The following SYNE1 variants were observed in gnomAD, a reference collection of about 807,000 sequenced individuals.
SYNE1 encodes the protein nesprin-1.
Under a neutral mutation model 1,111.0 loss-of-function variants are expected in SYNE1, and 616 were observed. The ratio of observed to expected loss-of-function variants is 0.55; its 90% CI spans 0.52 to 0.59. The LOEUF (loss-of-function observed/expected upper bound fraction) is 0.59. Ranked by LOEUF, SYNE1 falls within the 20% of genes least tolerant of loss-of-function variation. The probability of loss-of-function intolerance (pLI) is 0.00; values close to 1 mark genes in which losing one functional copy is unlikely to be tolerated. For synonymous variants in SYNE1, 3,855 were observed against 3,825.8 expected, an observed-to-expected ratio of 1.01 and a Z score of -0.28; for missense variants, 10,006 against 10,417.0, an observed-to-expected ratio of 0.96 and a Z score of 1.72.
intron 3 of SYNE1, among the ~76,000 whole-genome samples, chr6:152,578,650 C>T (rs1410136832): frequency 1.3e-5 from 2 of 152,010 alleles, no homozygotes; most frequent in Non-Finnish European, 2.9e-5. Context: ...TCTTTAATTC[C>T]AGTATCTAAC....
intron 143 of SYNE1, among the ~76,000 whole-genome samples, chr6:152,132,675 G>A (rs563732226): frequency 6.6e-6 from 1 of 152,142 alleles, no homozygotes; most frequent in Non-Finnish European, 1.5e-5. Flanking sequence ...GCTATTCAGA[G>A]TAGATTGTTC....
chr6:152,344,125 G>A lies in SYNE1; in HGVS notation c.12181C>T (p.Pro4061Ser), dbSNP rs780777858. Reference protein sequence around the residue: ...WLSAVQPDLEPSPQPPLSRAE... With the variant: ...WLSAVQPDLESSPQPPLSRAE... The stretch of plus-strand genomic sequence containing the variant: ...CTACTAAGAGGTGGTTGAGGACTTG[G>A]CTCTAAATCCGGCTGGACTGCAGAA... The change falls in exon 74 of 146, where the codon CCA becomes TCA. Residue 4061 changes from proline (P) to serine (S), a missense_variant. By Grantham distance (74) the Pro-to-Ser change is moderately conservative. This residue lies in a region of SYNE1 where 4,955 missense variants were observed against 5,017.2 expected (regional missense o/e 0.99). Transcript: ENST00000367255. 5.0e-6 allele frequency: 8 copies of A among 1,614,202 alleles called. No homozygotes were observed. The South Asian group carries it at 8.8e-5, about 18-fold the overall frequency.
intron 39 of SYNE1, among the ~76,000 whole-genome samples, chr6:152,420,962 A>G (rs1181861721): frequency 1.3e-5 from 2 of 152,220 alleles, no homozygotes; most frequent in Non-Finnish European, 2.9e-5. Context: ...AGTTATTTGT[A>G]TAAGTTCAAT....
chr6:152,390,622 T>A (rs1489898923), intron 52 of SYNE1, among the ~76,000 whole-genome samples, 170 bp from the exon 53 acceptor site: 1 of 152,208 alleles, frequency 6.6e-6, no homozygotes, highest in Non-Finnish European at 1.5e-5. Context: ...AAATTAGGTA[T>A]CTGGGAGTCT....
intron 5 of SYNE1, among the ~76,000 whole-genome samples, chr6:152,523,621 G>A (rs1433252441): frequency 6.6e-6 from 1 of 152,022 alleles, no homozygotes; most frequent in Non-Finnish European, 1.5e-5. Context: ...GAATTGCATT[G>A]AATCTATAGA....
At position 152,330,849 on chromosome 6, in the gene SYNE1, A is replaced by G; in HGVS notation, c.13836T>C (p.Ser4612=). ...TAAGTAGAAGATTTTCATATTCTGGAGATTGTTCAAGAATGTTTTGGTATT... is the reference window on the plus strand; with the variant it reads ...TAAGTAGAAGATTTTCATATTCTGGGGATTGTTCAAGAATGTTTTGGTATT... The part of the protein sequence containing the change: ...LAKYQNILEQ[S]PEYENLLLTL... The change falls in exon 78 of 146, where the codon TCT becomes TCC. Residue 4612 remains serine, a synonymous_variant. Transcript: ENST00000367255. The G allele has an allele frequency of 6.2e-7, 1 of 1,614,106 alleles. No individual in the cohort carries two copies. The highest frequency in any genetic ancestry group is 2.2e-5 in the East Asian group (1 of 44,884).
intron 3 of SYNE1, among the ~76,000 whole-genome samples, chr6:152,621,552 C>G (rs2099675396): frequency 6.6e-6 from 1 of 150,526 alleles, no homozygotes; most frequent in South Asian, 2.1e-4. Flanking sequence ...CATTTGACTG[C>G]TTGCCATAAT....
rs2095193468 is a variant in SYNE1 at position 152,301,946 on chromosome 6, C to G, written c.17464G>C (p.Glu5822Gln). Residue 5822 changes from glutamate (E) to glutamine (Q), a missense_variant, in exon 92 of 146, where the codon GAG becomes CAG. Transcript: ENST00000367255. ...ATMLLTVTEV[E>Q]GLAEGTEDLD... is the part of the protein sequence containing the mutation. ...TCCTCTGTCCCTTCCGCCAGCCCCT[C>G]GACCTCGGTCACCGTCAGCAGCATG... 6.2e-6 allele frequency: 10 copies of G among 1,614,110 alleles called. No homozygotes were observed. Among genetic ancestry groups the G allele is most frequent in the Non-Finnish European group, 7.6e-6 (9 of 1,180,054 alleles).
intron 66 of SYNE1, among the ~76,000 whole-genome samples, chr6:152,356,987 G>C (rs1436140265): frequency 1.3e-5 from 2 of 152,054 alleles, no homozygotes; most frequent in Non-Finnish European, 2.9e-5. Context: ...ACTAAGAAGG[G>C]TTATGTAAAG....
Position 152,278,283 on chromosome 6 carries a change from G to A in SYNE1, c.18382-3C>T. Reference sequence around the variant, plus strand: ...TGCTCTATTTCCACCAGCATATTCTGCAGCAACAGAAATAAGAATGAAACT... The same window carrying A: ...TGCTCTATTTCCACCAGCATATTCTACAGCAACAGAAATAAGAATGAAACT... On this transcript the variant is annotated splice_polypyrimidine_tract_variant and splice_region_variant and intron_variant, in intron 97 of 145. Transcript: ENST00000367255. The A allele has an allele frequency of 6.2e-7, 1 of 1,613,908 alleles. No individual in the cohort carries two copies. The highest frequency in any genetic ancestry group is 1.1e-5 in the South Asian group (1 of 91,080).
chr6:152,312,296 A>G (rs1305344826), intron 87 of SYNE1, among the ~76,000 whole-genome samples: 2 of 146,628 alleles, frequency 1.4e-5, no homozygotes, highest in Non-Finnish European at 3.0e-5. Context: ...TGCAACCTGC[A>G]TCTCCTGGGT....
chr6:152,251,432 T>C (rs972783388), intron 104 of SYNE1, among the ~76,000 whole-genome samples: 3 of 152,136 alleles, frequency 2.0e-5, no homozygotes, highest in African/African-American at 4.8e-5. Context: ...TAAGAGGTGC[T>C]AGTAATCACA....
chr6:152,365,160 T>C (rs2097047237), intron 62 of SYNE1, 141 bp from the exon 63 acceptor site: 4 of 1,043,722 alleles, frequency 3.8e-6, no homozygotes, highest in Non-Finnish European at 5.6e-6. Context: ...AGACAGAGGG[T>C]GGGGAAGTGG....
chr6:152,246,736 T>C (rs2087284615), intron 105 of SYNE1, among the ~76,000 whole-genome samples: 1 of 152,066 alleles, frequency 6.6e-6, no homozygotes, highest in African/African-American at 2.4e-5. Flanking sequence ...GCCCAGTGGA[T>C]AAAAATAGAT....
rs747947368 is a variant in SYNE1, at chr6:152,277,264, CTTTTTTTTTTTTTTTT to C, written c.18573+809_18573+824del. On this transcript the variant is annotated intron_variant, in intron 98 of 145. Transcript: ENST00000367255. Reference sequence around the variant, plus strand: ...TGCAATCACACTCCTTTTTCTTTTTCTTTTTTTTTTTTTTTTTTTTTTTTTTGTTATGAGACAGAGT... The same window carrying C: ...TGCAATCACACTCCTTTTTCTTTTTCTTTTTTTTTTGTTATGAGACAGAGT... Among the ~76,000 whole-genome samples, 352 of 82,136 alleles carry C rather than the reference CTTTTTTTTTTTTTTTT, an allele frequency of 4.3e-3. 3 individuals carry two copies. The highest frequency in any genetic ancestry group is 0.015 in the African/African-American group (317 of 20,604). The allele number at this position is 82,136 out of a possible 152,430, so 53.9% of individuals were successfully genotyped here. A position where few individuals can be genotyped will look rare whatever the true frequency, so the allele number is the denominator to read the frequency against.
intron 129 of SYNE1, among the ~76,000 whole-genome samples, chr6:152,179,068 C>A (rs1311246156): frequency 2.0e-5 from 3 of 151,998 alleles, no homozygotes; most frequent in African/African-American, 4.8e-5. Flanking sequence ...CATGTGCCAC[C>A]ATGCCTGGCT....
intron 128 of SYNE1, among the ~76,000 whole-genome samples, chr6:152,182,136 T>TTA (rs951172103): frequency 1.3e-5 from 2 of 152,198 alleles, no homozygotes; most frequent in Non-Finnish European, 2.9e-5. Context: ...TTCTTATACA[T>TTA]TATATATATA....
At chr6:152,311,775 A>ATTTTTTT in intron 87 of SYNE1, among the ~76,000 whole-genome samples, 1 of 139,322 alleles carries the variant, frequency 7.2e-6, no homozygotes, top group Non-Finnish European at 1.6e-5. Context: ...GCAATAGACT[A>ATTTTTTT]TTTATTTATT....
chr6:152,350,653 G>A lies in SYNE1; in HGVS notation c.11698C>T (p.Gln3900Ter). The change falls in exon 71 of 146, where the codon CAA (glutamine) becomes TAA (stop). Residue 3900 changes from glutamine (Q) to a stop codon, truncating the protein, a stop_gained. Coordinates refer to ENST00000367255, the MANE Select transcript of SYNE1 (RefSeq NM_182961.4). LOFTEE classifies it high-confidence loss of function. The stretch of plus-strand genomic sequence containing the variant: ...CTGCACAGGTCCTGGTAATCACTTT[G>A]AAGTTGATCTATTTTGTCCTTTAAA... The part of the protein sequence containing the change: ...VTLKDKIDQL[Q>*]SDYQDLCSIG... The A allele has an allele frequency of 1.2e-6, 2 of 1,614,082 alleles. No individual in the cohort carries two copies. Among genetic ancestry groups the A allele is most frequent in the South Asian group, 1.1e-5 (1 of 91,074 alleles).
Sources: gnomAD v4.1 joint callset for allele counts (sites outside exome capture counted in the v4.1 genomes callset) on GRCh38, gnomAD v4.1.1 for gene constraint, gnomAD v4.1.1 regional missense constraint, MANE v1.5 for transcripts, NCBI Gene and HGNC (gene_info 2026-07-23, HGNC 2026-07-21) for gene names.